The following PAQR8 variants were observed in gnomAD, a reference collection of about 807,000 sequenced individuals.
The protein encoded by PAQR8 is membrane progestin receptor beta.
Under a neutral mutation model 25.2 loss-of-function variants are expected in PAQR8, and 17 were observed. The observed-to-expected ratio is 0.67, with a 90% CI of 0.46 to 1.01. PAQR8 has a LOEUF of 1.01. Ranked by LOEUF, PAQR8 falls within the 50% of genes least tolerant of loss-of-function variation. PAQR8 has a pLI of 0.00. For missense variants in PAQR8, 392 were observed against 448.4 expected (o/e 0.87, Z 1.14); for synonymous variants, 204 against 190.6 (o/e 1.07, Z -0.58).
At chr6:52,379,490 T>G (rs1763526366) in intron 1 of PAQR8, among the ~76,000 whole-genome samples, 1 of 152,014 alleles carries the variant, frequency 6.6e-6, no homozygotes, top group Non-Finnish European at 1.5e-5. Context: ...CTCGCTCTGT[T>G]GCCTAGGCTG....
chr6:52,366,655 A>C (rs969328143), intron 1 of PAQR8, among the ~76,000 whole-genome samples: 1 of 152,110 alleles, frequency 6.6e-6, no homozygotes, highest in African/African-American at 2.4e-5. Flanking sequence ...ACTTTCCTGG[A>C]ATGTTGTGTT....
intron 1 of PAQR8, among the ~76,000 whole-genome samples, chr6:52,389,851 G>C (rs990891780): frequency 1.3e-5 from 2 of 152,190 alleles, no homozygotes; most frequent in African/African-American, 4.8e-5. Flanking sequence ...GTTCACCCGG[G>C]TTGGCCCGGG....
At position 52,381,109 on chromosome 6, in the gene PAQR8, T is replaced by C. The variant is rs539330912; in HGVS notation, c.-53+18860T>C. On this transcript the variant is annotated intron_variant, in intron 1 of 1. Coordinates refer to ENST00000442253, the MANE Select transcript of PAQR8 (RefSeq NM_133367.5). ...ATGGATGGACAGGCACCTTTGCTTTTCCCCAATCCTGTCTTCTGGTCAAGA... is the reference window on the plus strand; with the variant it reads ...ATGGATGGACAGGCACCTTTGCTTTCCCCCAATCCTGTCTTCTGGTCAAGA... Among the ~76,000 whole-genome samples the C allele has an allele frequency of 2.7e-4, 41 of 152,108 alleles. No individual in the cohort carries two copies. In the Middle Eastern group the frequency reaches 0.02, roughly 76 times the overall value.
At chr6:52,379,845 T>C (rs1228008783) in intron 1 of PAQR8, among the ~76,000 whole-genome samples, 2 of 152,174 alleles carry the variant, frequency 1.3e-5, no homozygotes, top group Non-Finnish European at 1.5e-5. Context: ...GCCAGGATGG[T>C]CTCGATCTGC....
chr6:52,382,579 G>A (rs1249687903), intron 1 of PAQR8, among the ~76,000 whole-genome samples: 1 of 150,780 alleles, frequency 6.6e-6, no homozygotes, highest in Admixed American at 6.6e-5. Context: ...AAAGAAGAAT[G>A]TTAGGTACAA....
rs1187250327 is a variant in PAQR8 at position 52,404,408 on chromosome 6, A to T, written c.*130A>T. 4.5e-6 allele frequency: 4 copies of T among 890,282 alleles called. No individual in the cohort carries two copies. Among genetic ancestry groups the T allele is most frequent in the Non-Finnish European group, 6.8e-6 (4 of 591,702 alleles). 55.1% of individuals were successfully genotyped at this position (890,282 alleles called of 1,614,324 possible). A position where few individuals can be genotyped will look rare whatever the true frequency, so the allele number is the denominator to read the frequency against. On this transcript the variant is annotated 3_prime_UTR_variant, in exon 2 of 2. Transcript: ENST00000442253. ...ATATCCAAGGATATGTTATAGCTGC[A>T]GTGTTTGAAAGCCAAAGGATTTAAG...
At chr6:52,385,609 C>T (rs1763623918) in intron 1 of PAQR8, among the ~76,000 whole-genome samples, 1 of 152,174 alleles carries the variant, frequency 6.6e-6, no homozygotes, top group South Asian at 2.1e-4. Flanking sequence ...ATTGGCCATG[C>T]ACCATGGCGT....
intron 1 of PAQR8, among the ~76,000 whole-genome samples, chr6:52,380,792 G>A (rs887733327): frequency 3.3e-5 from 5 of 152,142 alleles, no homozygotes; most frequent in African/African-American, 9.7e-5. Context: ...GGAATGGTGA[G>A]CTGCTTATAA....
In PAQR8 at chr6:52,403,345, G is replaced by C. The variant is rs992493485; in HGVS notation, c.132G>C (p.Gln44His). The change falls in exon 2 of 2, where the codon CAG becomes CAC. Residue 44 changes from glutamine (Q) to histidine (H), a missense_variant. Gln to His is a conservative substitution (Grantham distance 24, BLOSUM62 0). Transcript: ENST00000442253. ...PCTVPETDVP[Q>H]LFREPYIRTG... ...CTGTCCCAGAAACGGATGTGCCCCA[G>C]CTCTTCCGGGAGCCTTACATCCGCA... 1.9e-6 allele frequency: 3 copies of C among 1,614,236 alleles called. No homozygotes were observed. The highest frequency in any genetic ancestry group is 2.5e-6 in the Non-Finnish European group (3 of 1,180,044).
At chr6:52,382,665 G>C (rs1049790408) in intron 1 of PAQR8, among the ~76,000 whole-genome samples, 1 of 152,006 alleles carries the variant, frequency 6.6e-6, no homozygotes, top group Non-Finnish European at 1.5e-5. Flanking sequence ...ATCATTATAT[G>C]TAGATATAAC....
chr6:52,378,960 G>A (rs1405176456), intron 1 of PAQR8, among the ~76,000 whole-genome samples: 2 of 151,882 alleles, frequency 1.3e-5, no homozygotes, highest in South Asian at 2.1e-4. Flanking sequence ...AGCCAGGCAT[G>A]GTGGTGGGCG....
At chr6:52,364,985 C>T (rs145035649) in intron 1 of PAQR8, among the ~76,000 whole-genome samples, 158 of 152,276 alleles carry the variant, frequency 1.0e-3, no homozygotes, top group African/African-American at 3.5e-3. Context: ...GTAATTGGTC[C>T]TGTCACTTTA....
Position 52,403,815 on chromosome 6 carries a change from A to G in PAQR8, c.602A>G (p.Tyr201Cys). The G allele has an allele frequency of 6.2e-7, 1 of 1,614,088 alleles. No homozygotes were observed. The highest frequency in any genetic ancestry group is 1.1e-5 in the South Asian group (1 of 91,078). ...GGCTGTTGCTATGCCAAATATCGTT[A>G]CCGGAGGCCTTATCCAGTCATGAGG... ...CAGCCYAKYR[Y>C]RRPYPVMRKI... Residue 201 changes from tyrosine to cysteine, a missense_variant, in exon 2 of 2, where the codon TAC (tyrosine) becomes TGC (cysteine). Coordinates refer to ENST00000442253, the MANE Select transcript of PAQR8 (RefSeq NM_133367.5).
Position 52,405,318 on chromosome 6 carries a change from C to T in PAQR8, c.*1040C>T, listed in dbSNP as rs1453044031. ...ACATAGATGCTGCCCCACGAAGGACCCACAAAACTAACCTAGTTCAGGGTT... is the reference window on the plus strand; with the variant it reads ...ACATAGATGCTGCCCCACGAAGGACTCACAAAACTAACCTAGTTCAGGGTT... On this transcript the variant is annotated 3_prime_UTR_variant, in exon 2 of 2. Coordinates refer to ENST00000442253, the MANE Select transcript of PAQR8 (RefSeq NM_133367.5). 1.2e-5 allele frequency: 2 copies of T among 167,122 alleles called. No homozygotes were observed. The highest frequency in any genetic ancestry group is 2.9e-5 in the Non-Finnish European group (2 of 68,146). 10.4% of individuals were successfully genotyped at this position (167,122 alleles called of 1,614,324 possible).
intron 1 of PAQR8, among the ~76,000 whole-genome samples, chr6:52,366,529 ACT>A (rs1173568209): frequency 1.2e-4 from 18 of 152,186 alleles, no homozygotes; most frequent in Admixed American, 1.1e-3. Flanking sequence ...AGGTGGATTA[ACT>A]CTTTCAAAAT....
chr6:52,376,577 A>G (rs1763487035), intron 1 of PAQR8, among the ~76,000 whole-genome samples: 1 of 152,240 alleles, frequency 6.6e-6, no homozygotes, highest in South Asian at 2.1e-4. Context: ...AAACCCATAT[A>G]GGTTAGACAA....
At position 52,403,084 on chromosome 6, in the gene PAQR8, A is replaced by G. The variant is rs993611331; in HGVS notation, c.-52-78A>G. 3.0e-5 allele frequency: 23 copies of G among 770,200 alleles called. No homozygotes were observed. The South Asian group carries it at 4.2e-4, about 14-fold the overall frequency. 47.7% of individuals were successfully genotyped at this position (770,200 alleles called of 1,614,324 possible). On this transcript the variant is annotated intron_variant, in intron 1 of 1. Coordinates refer to ENST00000442253, the MANE Select transcript of PAQR8 (RefSeq NM_133367.5). ...ATACCCCGTCTCAAAAGAAAAGAAA[A>G]TAGCCATAGTTCCTTGTCCGTCTTA...
intron 1 of PAQR8, among the ~76,000 whole-genome samples, chr6:52,401,680 A>G (rs1290811077): frequency 1.3e-5 from 2 of 152,204 alleles, no homozygotes; most frequent in African/African-American, 4.8e-5. Context: ...AGGATATCCT[A>G]GAATGTGCAT....
Position 52,404,124 on chromosome 6 carries a change from A to G in PAQR8, c.911A>G (p.Tyr304Cys). The change falls in exon 2 of 2, where the codon TAC becomes TGC. Residue 304 changes from tyrosine to cysteine, a missense_variant. By Grantham distance (194) the Tyr-to-Cys change is radical. Transcript: ENST00000442253. ...CAGCTGGAGGCCATCCTCCTGGACT[A>G]CCAGGGGCGGCAGGAGATCTTCCTG... is the stretch of plus-strand genomic sequence containing the variant. ...LSQLEAILLDYQGRQEIFLQR... is the reference protein window; with the variant it reads ...LSQLEAILLDCQGRQEIFLQR... 1 of 1,614,172 alleles carries G rather than the reference A, an allele frequency of 6.2e-7. No homozygotes were observed. Among genetic ancestry groups the G allele is most frequent in the Non-Finnish European group, 8.5e-7 (1 of 1,180,024 alleles).
Sources: gnomAD v4.1 joint callset for allele counts (sites outside exome capture counted in the v4.1 genomes callset) on GRCh38, gnomAD v4.1.1 for gene constraint, MANE v1.5 for transcripts, NCBI Gene and HGNC (gene_info 2026-07-23, HGNC 2026-07-21) for gene names.